CHDH: variants seen among roughly 807,000 people sequenced by gnomAD.
The protein encoded by CHDH is choline dehydrogenase, mitochondrial.
CHDH carries 43 observed loss-of-function variants against 56.9 expected under a neutral mutation model. The ratio of observed to expected loss-of-function variants is 0.76; its 90% CI spans 0.59 to 0.97. CHDH has a LOEUF of 0.97. Among genes scored for constraint, CHDH ranks in the 50% least tolerant of loss-of-function variants. The pLI is 0.00. For missense variants in CHDH, 816 were observed against 821.1 expected (o/e 0.99, Z 0.08); for synonymous variants, 364 against 348.5 (o/e 1.04, Z -0.50).
At chr3:53,831,022 C>A (rs1698317021) in intron 2 of CHDH, among the ~76,000 whole-genome samples, 1 of 152,190 alleles carries the variant, frequency 6.6e-6, no homozygotes, top group Non-Finnish European at 1.5e-5. Flanking sequence ...CAACCCTGGG[C>A]CAGAGGGGAG....
rs768309294 is a variant in CHDH, at chr3:53,818,893, G to GC, written c.1366+44dup. The GC allele has an allele frequency of 5.1e-5, 59 of 1,162,658 alleles. 1 individual carries two copies. Among genetic ancestry groups the GC allele is most frequent in the Non-Finnish European group, 5.0e-5 (38 of 767,266 alleles). 72.0% of individuals were successfully genotyped at this position (1,162,658 alleles called of 1,614,324 possible). A position where few individuals can be genotyped will look rare whatever the true frequency, so the allele number is the denominator to read the frequency against. The stretch of plus-strand genomic sequence containing the variant: ...AGGGATAAACAGGAACCCCACAAAG[G>GC]CATTCGTTTGTTCAAGCCCAGGAAG... On this transcript the variant is annotated intron_variant, in intron 8 of 8. Coordinates refer to ENST00000315251, the MANE Select transcript of CHDH (RefSeq NM_018397.5).
Position 53,821,705 on chromosome 3 carries a change from G to A in CHDH, c.927C>T (p.Gly309=). ...INSPQLLMLS[G]IGNADDLKKL... ...TCTTGAGGTCATCAGCATTCCCGAT[G>A]CCAGAGAGCATGAGCAGCTGTGGAG... Residue 309 remains glycine (G), a synonymous_variant, in exon 5 of 9, where the codon GGC becomes GGT. Transcript: ENST00000315251. The A allele has an allele frequency of 6.2e-7, 1 of 1,614,048 alleles. No individual in the cohort carries two copies. Among genetic ancestry groups the A allele is most frequent in the Non-Finnish European group, 8.5e-7 (1 of 1,179,922 alleles).
rs772351719 is a variant in CHDH, at chr3:53,823,387, G to A, written c.622C>T (p.Gln208Ter). Residue 208 changes from glutamine to a stop codon, truncating the protein, a stop_gained, in exon 3 of 9, where the codon CAG becomes TAG. Transcript: ENST00000315251. LOFTEE classifies it high-confidence loss of function. ...LHCAFLEATQ[Q>*]AGYPLTEDMN... ...TCCTCGGTGAGCGGGTAGCCGGCCT[G>A]CTGCGTGGCCTCCAGGAATGCGCAG... 22 of 1,606,016 alleles carry A rather than the reference G, an allele frequency of 1.4e-5. No individual in the cohort carries two copies. In the South Asian group the frequency reaches 2.1e-4, roughly 15 times the overall value.
At chr3:53,838,967 C>A (rs932456834) in intron 2 of CHDH, among the ~76,000 whole-genome samples, 7 of 152,198 alleles carry the variant, frequency 4.6e-5, no homozygotes, top group Non-Finnish European at 2.9e-5. Flanking sequence ...ACCCTCCTCA[C>A]AACATACTAG....
At chr3:53,826,924 C>T (rs935366282) in intron 2 of CHDH, among the ~76,000 whole-genome samples, 1 of 152,096 alleles carries the variant, frequency 6.6e-6, no homozygotes, top group African/African-American at 2.4e-5. Flanking sequence ...ATATAAAAGC[C>T]AATTGCTTGC....
At position 53,815,218 on chromosome 3, in the gene CHDH, A is replaced by G. The variant is rs1023425815; in HGVS notation, c.*2559T>C. 2 of 152,262 alleles carry G rather than the reference A, an allele frequency of 1.3e-5. No homozygotes were observed. Among genetic ancestry groups the G allele is most frequent in the Non-Finnish European group, 2.9e-5 (2 of 68,062 alleles). 9.4% of individuals were successfully genotyped at this position (152,262 alleles called of 1,614,324 possible). On this transcript the variant is annotated 3_prime_UTR_variant, in exon 9 of 9. Transcript: ENST00000315251. The stretch of plus-strand genomic sequence containing the variant: ...AGAGCACTGGGCACATGGACAGCGC[A>G]TTCTGTTGTGCTCTTTGAGCCATTT...
At chr3:53,843,400 T>A (rs1698742545) in intron 1 of CHDH, among the ~76,000 whole-genome samples, 1 of 151,936 alleles carries the variant, frequency 6.6e-6, no homozygotes, top group African/African-American at 2.4e-5. Context: ...CAACAGATGG[T>A]GAATGAGCCG....
intron 5 of CHDH, 87 bp from the exon 6 acceptor site, chr3:53,820,695 C>G: frequency 6.6e-7 from 1 of 1,504,074 alleles, no homozygotes; most frequent in South Asian, 1.3e-5. Context: ...AAAATTCTTT[C>G]CTATTCCCTT....
chr3:53,838,459 G>C (rs572574064), intron 2 of CHDH, among the ~76,000 whole-genome samples: 5 of 152,216 alleles, frequency 3.3e-5, no homozygotes, highest in Non-Finnish European at 7.3e-5. Context: ...CTGCAGCACA[G>C]AGGGCCTCGG....
chr3:53,832,492 A>C (rs1186734536), intron 2 of CHDH, among the ~76,000 whole-genome samples: 1 of 152,172 alleles, frequency 6.6e-6, no homozygotes, highest in Non-Finnish European at 1.5e-5. Context: ...AGATCGTACC[A>C]CTGCACTCCA....
At chr3:53,829,459 T>C (rs1698265862) in intron 2 of CHDH, among the ~76,000 whole-genome samples, 1 of 152,228 alleles carries the variant, frequency 6.6e-6, no homozygotes. Context: ...GAGGATGTTG[T>C]TAATGGGAGG....
chr3:53,835,196 T>C (rs1698458318), intron 2 of CHDH, among the ~76,000 whole-genome samples: 1 of 152,192 alleles, frequency 6.6e-6, no homozygotes, highest in South Asian at 2.1e-4. Context: ...ATAAACAACC[T>C]AACACTCCCC....
chr3:53,823,550 C>A lies in CHDH; in HGVS notation c.459G>T (p.Gln153His). The A allele has an allele frequency of 6.5e-7, 1 of 1,542,540 alleles. No homozygotes were observed. The change falls in exon 3 of 9, where the codon CAG becomes CAT. Residue 153 changes from glutamine (Q) to histidine (H), a missense_variant. By Grantham distance (24) the Gln-to-His change is conservative (BLOSUM62 0). Coordinates refer to ENST00000315251, the MANE Select transcript of CHDH (RefSeq NM_018397.5). ...HAEDYERWQR[Q>H]GARGWDYAHC... is the part of the protein sequence containing the mutation. Reference sequence around the variant, plus strand: ...GCGCGTAGTCCCAGCCGCGGGCGCCCTGGCGCTGCCAGCGCTCGTAGTCCT... The same window carrying A: ...GCGCGTAGTCCCAGCCGCGGGCGCCATGGCGCTGCCAGCGCTCGTAGTCCT...
chr3:53,844,052 A>T (rs1576812449), intron 1 of CHDH, among the ~76,000 whole-genome samples: 1 of 152,044 alleles, frequency 6.6e-6, no homozygotes, highest in Non-Finnish European at 1.5e-5. Context: ...GCCCACCTCA[A>T]CCTCCAGTTG....
chr3:53,824,997 C>A (rs2095636385), intron 2 of CHDH, among the ~76,000 whole-genome samples: 1 of 152,224 alleles, frequency 6.6e-6, no homozygotes, highest in African/African-American at 2.4e-5. Flanking sequence ...TCCTCCCGTC[C>A]ACCGTTGCAC....
chr3:53,843,791 C>T (rs750229793), intron 1 of CHDH, among the ~76,000 whole-genome samples: 9 of 152,168 alleles, frequency 5.9e-5, no homozygotes, highest in Non-Finnish European at 1.3e-4. Flanking sequence ...GGTCGCTTCT[C>T]TCATAGACTC....
rs202031062 is a variant in CHDH at position 53,816,131 on chromosome 3, A to ACCCCCCCCC, written c.*1645_*1646insGGGGGGGGG. 3.4e-5 allele frequency: 3 copies of ACCCCCCCCC among 86,964 alleles called. No homozygotes were observed. Among genetic ancestry groups the ACCCCCCCCC allele is most frequent in the African/African-American group, 2.1e-4 (3 of 14,280 alleles). The allele number at this position is 86,964 out of a possible 1,614,324, so 5.4% of individuals were successfully genotyped here. ...CAGAAAACTAACTTGTGGCTGTCGGACGCCCCCCCCCCCCGCCCCAGTCTG... is the reference window on the plus strand; with the variant it reads ...CAGAAAACTAACTTGTGGCTGTCGGACCCCCCCCCCGCCCCCCCCCCCCGCCCCAGTCTG... On this transcript the variant is annotated 3_prime_UTR_variant, in exon 9 of 9. Transcript: ENST00000315251.
intron 2 of CHDH, among the ~76,000 whole-genome samples, chr3:53,827,902 G>A (rs576844961): frequency 1.5e-4 from 23 of 152,268 alleles, no homozygotes; most frequent in African/African-American, 4.6e-4. Context: ...AGTATATATG[G>A]AGAGGCAAAA....
At chr3:53,828,187 A>ACACACG (rs1417344754) in intron 2 of CHDH, among the ~76,000 whole-genome samples, 61 of 152,040 alleles carry the variant, frequency 4.0e-4, no homozygotes, top group African/African-American at 1.4e-3. Context: ...ACACACACAC[A>ACACACG]CACACACACA....
Sources: gnomAD v4.1 joint callset for allele counts (sites outside exome capture counted in the v4.1 genomes callset) on GRCh38, gnomAD v4.1.1 for gene constraint, MANE v1.5 for transcripts, NCBI Gene and HGNC (gene_info 2026-07-23, HGNC 2026-07-21) for gene names.